Variants in MMS22L observed in about 807,000 individuals in gnomAD.
MMS22L encodes MMS22 like, DNA repair protein.
In MMS22L, 74 loss-of-function variants were observed where a neutral mutation model predicts 159.1. The ratio of observed to expected loss-of-function variants is 0.47; its 90% CI spans 0.39 to 0.56. The LOEUF (loss-of-function observed/expected upper bound fraction) is 0.56, where lower values mean the gene tolerates loss of function less well. MMS22L is among the 20% of genes least tolerant of loss of function. The pLI, the probability that MMS22L is intolerant of heterozygous loss-of-function variation, is 0.00. For missense variants in MMS22L, 1,351 were observed against 1,422.1 expected, an observed-to-expected ratio of 0.95 and a Z score of 0.80; for synonymous variants, 517 against 506.9, an observed-to-expected ratio of 1.02 and a Z score of -0.27.
chr6:97,257,833 G>A (rs1361365832), intron 9 of MMS22L, among the ~76,000 whole-genome samples: 1 of 152,090 alleles, frequency 6.6e-6, no homozygotes, highest in Admixed American at 6.5e-5. Flanking sequence ...CACATTTTCT[G>A]TACTATAAAG....
At chr6:97,185,460 C>T (rs1805128377) in intron 15 of MMS22L, among the ~76,000 whole-genome samples, 1 of 152,122 alleles carries the variant, frequency 6.6e-6, no homozygotes, top group Non-Finnish European at 1.5e-5. Flanking sequence ...ACTGACTGAA[C>T]TGATGCATTA....
Position 97,162,097 on chromosome 6 carries a change from A to G in MMS22L, c.3290T>C (p.Leu1097Pro). The G allele has an allele frequency of 6.2e-7, 1 of 1,612,282 alleles. No individual in the cohort carries two copies. The highest frequency in any genetic ancestry group is 8.5e-7 in the Non-Finnish European group (1 of 1,179,056). The change falls in exon 22 of 25, where the codon CTC (leucine) becomes CCC (proline). Residue 1097 changes from leucine (L) to proline (P), a missense_variant. Physicochemically the swap from Leu to Pro is moderately conservative, Grantham distance 98 (BLOSUM62 -3). Coordinates refer to ENST00000683635, the MANE Select transcript of MMS22L (RefSeq NM_001350599.2). ...PRLASILAFI[L>P]QLFKETNTDI... ...TGTGTTAGTTTCCTTGAAGAGTTGG[A>G]GGATGAAGGCCAGAATGGATGCTAA...
intron 18 of MMS22L, among the ~76,000 whole-genome samples, chr6:97,173,487 C>T (rs1224677188): frequency 2.0e-5 from 3 of 151,760 alleles, no homozygotes; most frequent in Non-Finnish European, 4.4e-5. Flanking sequence ...GCCGACTTAG[C>T]AAAATATCAG....
rs750909550 is a variant in MMS22L, at chr6:97,269,985, G to A, written c.614C>T (p.Pro205Leu). 44 of 1,610,018 alleles carry A rather than the reference G, an allele frequency of 2.7e-5. No individual in the cohort carries two copies. The Admixed American group carries it at 7.2e-4, about 26-fold the overall frequency. Residue 205 changes from proline to leucine, a missense_variant, in exon 7 of 25, where the codon CCA (proline) becomes CTA (leucine). Transcript: ENST00000683635. ...GAGATGTAATAAATGCCATGACGGT[G>A]GAAAAAGCTGTGGATGACATTATCA... The part of the protein sequence containing the change: ...FVNQNQIKLF[P>L]PSWHLLHLHL...
At chr6:97,152,221 G>A (rs1311801110) in intron 22 of MMS22L, among the ~76,000 whole-genome samples, 1 of 151,842 alleles carries the variant, frequency 6.6e-6, no homozygotes, top group Non-Finnish European at 1.5e-5. Flanking sequence ...CTGATTTACA[G>A]ACAGGCAGAT....
chr6:97,193,406 AT>A (rs1346261687), intron 14 of MMS22L, among the ~76,000 whole-genome samples: 1 of 152,230 alleles, frequency 6.6e-6, no homozygotes, highest in Admixed American at 6.5e-5. Flanking sequence ...TAGCACTGGT[AT>A]GAAAACATAC....
intron 14 of MMS22L, among the ~76,000 whole-genome samples, chr6:97,201,668 A>C (rs369525543): frequency 6.6e-6 from 1 of 152,190 alleles, no homozygotes; most frequent in Non-Finnish European, 1.5e-5. Context: ...GTGGGAAGCA[A>C]TATCTAGGTG....
intron 14 of MMS22L, among the ~76,000 whole-genome samples, chr6:97,202,889 G>C (rs1807328301): frequency 6.6e-6 from 1 of 152,084 alleles, no homozygotes; most frequent in Non-Finnish European, 1.5e-5. Flanking sequence ...TACTAATCAA[G>C]GGATGATCAG....
rs746164726 is a variant in MMS22L at position 97,178,582 on chromosome 6, T to C, written c.2540A>G (p.Lys847Arg). The change falls in exon 18 of 25, where the codon AAA becomes AGA. Residue 847 changes from lysine to arginine, a missense_variant. Transcript: ENST00000683635. ...TTTGACCAACTGTTTCATGTACTCT[T>C]TTTCTGTTAAAATAAAATAGTATTT... is the stretch of plus-strand genomic sequence containing the variant. Reference protein sequence around the residue: ...IDKNLEEAVEKEYMKQLVKLT... With the variant: ...IDKNLEEAVEREYMKQLVKLT... 3 of 1,487,202 alleles carry C rather than the reference T, an allele frequency of 2.0e-6. No homozygotes were observed. 92.1% of individuals were successfully genotyped at this position (1,487,202 alleles called of 1,614,324 possible).
chr6:97,185,880 C>A (rs1363387707), intron 15 of MMS22L, among the ~76,000 whole-genome samples: 1 of 152,016 alleles, frequency 6.6e-6, no homozygotes, highest in Non-Finnish European at 1.5e-5. Context: ...GAGCAAAATA[C>A]CCCCTTGAGA....
chr6:97,226,672 G>GTA (rs1263205156), intron 14 of MMS22L, among the ~76,000 whole-genome samples: 2 of 151,426 alleles, frequency 1.3e-5, no homozygotes, highest in Non-Finnish European at 2.9e-5. Context: ...ATACATATAT[G>GTA]TATATATATA....
At chr6:97,185,664 A>G (rs1391597855) in intron 15 of MMS22L, among the ~76,000 whole-genome samples, 1 of 152,176 alleles carries the variant, frequency 6.6e-6, no homozygotes, top group Non-Finnish European at 1.5e-5. Flanking sequence ...AGAATTCAAA[A>G]TCTTTTCAAA....
chr6:97,171,820 C>G (rs950242126), intron 19 of MMS22L, among the ~76,000 whole-genome samples: 1 of 152,124 alleles, frequency 6.6e-6, no homozygotes, highest in Admixed American at 6.5e-5. Context: ...CACCTTGGAG[C>G]TCTCCAAAGT....
chr6:97,191,225 C>T (rs1425927632), intron 14 of MMS22L, among the ~76,000 whole-genome samples: 1 of 152,120 alleles, frequency 6.6e-6, no homozygotes, highest in East Asian at 1.9e-4. Flanking sequence ...GTACCTGAAA[C>T]TTCTACCTGC....
chr6:97,273,255 C>T, intron 4 of MMS22L, 193 bp from the exon 5 acceptor site: 1 of 579,066 alleles, frequency 1.7e-6, no homozygotes, highest in South Asian at 2.2e-5. Flanking sequence ...ACCCACATTG[C>T]CCAATCTAAT....
intron 10 of MMS22L, among the ~76,000 whole-genome samples, chr6:97,247,610 C>T (rs1400378872): frequency 3.3e-5 from 5 of 151,838 alleles, no homozygotes; most frequent in Admixed American, 6.6e-5. Context: ...CCCAGCTACC[C>T]GGGAGGCTGA....
At chr6:97,178,755 T>C (rs1804382012) in intron 17 of MMS22L, among the ~76,000 whole-genome samples, 170 bp from the exon 18 acceptor site, 1 of 152,100 alleles carries the variant, frequency 6.6e-6, no homozygotes, top group African/African-American at 2.4e-5. Flanking sequence ...CAAATTAAAT[T>C]TCTCTCACTT....
chr6:97,188,524 C>T (rs914872940), intron 14 of MMS22L, among the ~76,000 whole-genome samples: 2 of 152,022 alleles, frequency 1.3e-5, no homozygotes, highest in Non-Finnish European at 2.9e-5. Context: ...CTAAATATGC[C>T]CAAAGGTCAC....
intron 14 of MMS22L, among the ~76,000 whole-genome samples, chr6:97,219,848 C>T (rs1809435325): frequency 6.6e-6 from 1 of 152,192 alleles, no homozygotes; most frequent in South Asian, 2.1e-4. Flanking sequence ...ATATATGATG[C>T]TCTTTAATTC....
Sources: gnomAD v4.1 joint callset for allele counts (sites outside exome capture counted in the v4.1 genomes callset) on GRCh38, gnomAD v4.1.1 for gene constraint, MANE v1.5 for transcripts, NCBI Gene and HGNC (gene_info 2026-07-23, HGNC 2026-07-21) for gene names.